RFX3: variants seen among roughly 807,000 people sequenced by gnomAD.
RFX3 encodes regulatory factor X3, also known as transcription factor RFX3.
RFX3 carries 14 observed loss-of-function variants against 98.6 expected under a neutral mutation model. The ratio of observed to expected loss-of-function variants is 0.14; its 90% CI spans 0.09 to 0.22. The LOEUF (loss-of-function observed/expected upper bound fraction) is 0.22, where lower values mean the gene tolerates loss of function less well. Ranked by LOEUF, RFX3 falls within the 10% of genes least tolerant of loss-of-function variation. RFX3 has a pLI of 1.00. For missense variants in RFX3, 639 were observed against 926.9 expected, an observed-to-expected ratio of 0.69 and a Z score of 4.03; for synonymous variants, 383 against 328.4, an observed-to-expected ratio of 1.17 and a Z score of -1.80.
intron 1 of RFX3, chr9:3,452,165 T>C (rs1319673703): frequency 1.3e-5 from 2 of 154,816 alleles, no homozygotes; most frequent in Non-Finnish European, 2.9e-5. Context: ...TCTGACACTC[T>C]CATCACTGAA....
At chr9:3,503,573 T>C (rs1163311637) in intron 1 of RFX3, among the ~76,000 whole-genome samples, 1 of 152,098 alleles carries the variant, frequency 6.6e-6, no homozygotes, top group African/African-American at 2.4e-5. Flanking sequence ...GTTGTGACAC[T>C]AGTACACAGA....
At chr9:3,378,799 G>C (rs186445101) in intron 2 of RFX3, among the ~76,000 whole-genome samples, 19 of 151,942 alleles carry the variant, frequency 1.3e-4, no homozygotes, top group Admixed American at 1.1e-3. Flanking sequence ...CAGGTGGTCC[G>C]TCTTCCTCAG....
At chr9:3,291,526 C>T (rs1827354114) in intron 6 of RFX3, among the ~76,000 whole-genome samples, 1 of 152,174 alleles carries the variant, frequency 6.6e-6, no homozygotes, top group African/African-American at 2.4e-5. Context: ...TCATGTTTCT[C>T]CAGAACTATC....
intron 2 of RFX3, chr9:3,364,825 T>A (rs1367137702): frequency 6.6e-6 from 1 of 152,272 alleles, no homozygotes; most frequent in African/African-American, 2.4e-5. Context: ...TAGGACTGGG[T>A]CTTTTTAAGC....
At chr9:3,336,801 A>T (rs2130983280) in intron 3 of RFX3, among the ~76,000 whole-genome samples, 1 of 152,304 alleles carries the variant, frequency 6.6e-6, no homozygotes, top group African/African-American at 2.4e-5. Flanking sequence ...AACAGCATTT[A>T]AAAAAGAGAC....
chr9:3,290,528 G>A (rs943053694), intron 6 of RFX3, among the ~76,000 whole-genome samples: 6 of 152,090 alleles, frequency 3.9e-5, no homozygotes, highest in African/African-American at 1.4e-4. Context: ...AGCCACCAGC[G>A]AGGAGATAGT....
At chr9:3,362,511 A>G (rs1403314993) in intron 2 of RFX3, among the ~76,000 whole-genome samples, 1 of 152,202 alleles carries the variant, frequency 6.6e-6, no homozygotes, top group Non-Finnish European at 1.5e-5. Flanking sequence ...GCAGGTTCAA[A>G]TCCAATAAAC....
At chr9:3,290,216 A>C (rs1586899665) in intron 6 of RFX3, among the ~76,000 whole-genome samples, 1 of 151,448 alleles carries the variant, frequency 6.6e-6, no homozygotes, top group African/African-American at 2.4e-5. Flanking sequence ...AAAAAAAAAC[A>C]GGAGACATAA....
chr9:3,316,684 G>C (rs1830635792), intron 4 of RFX3, among the ~76,000 whole-genome samples: 1 of 152,150 alleles, frequency 6.6e-6, no homozygotes, highest in Admixed American at 6.5e-5. Flanking sequence ...AAAGTCTCAG[G>C]CTACAAAATC....
rs992774506 is a variant in RFX3, at chr9:3,295,206, C to T, written c.550-1948G>A. Among the ~76,000 whole-genome samples the T allele has an allele frequency of 2.0e-5, 3 of 151,110 alleles. No individual in the cohort carries two copies. The East Asian group carries it at 5.8e-4, about 29-fold the overall frequency. On this transcript the variant is annotated intron_variant, in intron 5 of 16. Transcript: ENST00000617270. Reference sequence around the variant, plus strand: ...CCTACAACAGGGGGACAGCATGTCTCTTTAGTGTTTTTTTTTTAAGACTTT... The same window carrying T: ...CCTACAACAGGGGGACAGCATGTCTTTTTAGTGTTTTTTTTTTAAGACTTT...
chr9:3,522,564 T>C (rs889828779), intron 1 of RFX3, among the ~76,000 whole-genome samples: 7 of 150,702 alleles, frequency 4.6e-5, no homozygotes, highest in African/African-American at 1.7e-4. Context: ...TGCGTGTGTG[T>C]GTGTGTGTGT....
intron 7 of RFX3, among the ~76,000 whole-genome samples, chr9:3,282,453 T>C (rs1204038113): frequency 6.6e-6 from 1 of 151,780 alleles, no homozygotes; most frequent in African/African-American, 2.4e-5. Context: ...AAATGGGCTA[T>C]ATGTTAACTG....
rs1487504213 is a variant in RFX3 at position 3,218,748 on chromosome 9, T to C, written c.*6294A>G. On this transcript the variant is annotated 3_prime_UTR_variant, in exon 17 of 17. Coordinates refer to ENST00000617270, the MANE Select transcript of RFX3 (RefSeq NM_001282116.2). ...AAAGAACATTACATTATCTCACACA[T>C]ACAATCTCTACAAAAGTTGCTTACC... is the stretch of plus-strand genomic sequence containing the variant. The C allele has an allele frequency of 6.6e-6, 1 of 152,278 alleles. No individual in the cohort carries two copies. The highest frequency in any genetic ancestry group is 2.4e-5 in the African/African-American group (1 of 41,572). The allele number at this position is 152,278 out of a possible 1,614,324, so 9.4% of individuals were successfully genotyped here. A position where few individuals can be genotyped will look rare whatever the true frequency, so the allele number is the denominator to read the frequency against.
At chr9:3,430,968 C>G (rs1343866287) in intron 1 of RFX3, among the ~76,000 whole-genome samples, 1 of 152,110 alleles carries the variant, frequency 6.6e-6, no homozygotes, top group East Asian at 1.9e-4. Context: ...TACAAAAGAA[C>G]TTAGAATGCA....
chr9:3,282,152 C>G (rs924999730), intron 7 of RFX3, among the ~76,000 whole-genome samples: 1 of 151,562 alleles, frequency 6.6e-6, no homozygotes, highest in African/African-American at 2.4e-5. Flanking sequence ...AAAAACTGTC[C>G]CAGAAAGTCT....
At chr9:3,316,710 C>G (rs532668362) in intron 4 of RFX3, among the ~76,000 whole-genome samples, 1 of 152,324 alleles carries the variant, frequency 6.6e-6, no homozygotes, top group Non-Finnish European at 1.5e-5. Flanking sequence ...GCAAAAATCA[C>G]AAGCATTCCT....
chr9:3,428,924 T>A (rs1035455749), intron 1 of RFX3, among the ~76,000 whole-genome samples: 2 of 152,190 alleles, frequency 1.3e-5, no homozygotes, highest in African/African-American at 2.4e-5. Flanking sequence ...AAATTACCCA[T>A]TAGGCACAGT....
intron 1 of RFX3, chr9:3,469,235 A>G (rs145780977): frequency 6.0e-5 from 27 of 453,614 alleles, no homozygotes; most frequent in African/African-American, 3.4e-4. Flanking sequence ...TTTGTGTTCA[A>G]TGTAGGAACA....
At chr9:3,479,420 AT>A (rs1849549675) in intron 1 of RFX3, among the ~76,000 whole-genome samples, 2 of 152,182 alleles carry the variant, frequency 1.3e-5, no homozygotes, top group South Asian at 4.1e-4. Context: ...TTTTTTAAAA[AT>A]ATACTTAAAA....
Sources: allele counts gnomAD v4.1 joint callset (sites outside exome capture counted in the v4.1 genomes callset), GRCh38; gene constraint gnomAD v4.1.1; transcripts MANE v1.5; gene names NCBI Gene and HGNC (gene_info 2026-07-23, HGNC 2026-07-21).